The following BCL2 variants were observed in gnomAD, a reference collection of about 807,000 sequenced individuals.
BCL2 encodes the protein BCL2 apoptosis regulator.
BCL2 carries 1 observed loss-of-function variant against 14.2 expected under a neutral mutation model. The ratio of observed to expected loss-of-function variants is 0.07; its 90% confidence interval spans 0.02 to 0.33. The LOEUF is 0.33. BCL2 is among the 10% of genes least tolerant of loss of function. The pLI, the probability that BCL2 is intolerant of heterozygous loss-of-function variation, is 0.99. For synonymous variants in BCL2, 151 were observed against 137.2 expected, an observed-to-expected ratio of 1.10 and a Z score of -0.70; for missense variants, 247 against 305.9, an observed-to-expected ratio of 0.81 and a Z score of 1.44.
At chr18:63,168,556 C>G (rs1915101078) in intron 2 of BCL2, among the ~76,000 whole-genome samples, 1 of 152,152 alleles carries the variant, frequency 6.6e-6, no homozygotes, top group South Asian at 2.1e-4. Context: ...CATGGAGAGT[C>G]ACAGGAGGCT....
intron 2 of BCL2, among the ~76,000 whole-genome samples, chr18:63,220,488 G>A (rs1364484328): frequency 6.6e-6 from 1 of 152,144 alleles, no homozygotes; most frequent in Non-Finnish European, 1.5e-5. Context: ...GCAGAATCCA[G>A]GCTTCCTGAC....
rs780606244 is a variant in BCL2 at position 63,318,468 on chromosome 18, C to T, written c.199G>A (p.Ala67Thr). 3 of 1,474,776 alleles carry T rather than the reference C, an allele frequency of 2.0e-6. No individual in the cohort carries two copies. The South Asian group carries it at 4.2e-5, about 21-fold the overall frequency. 91.4% of individuals were successfully genotyped at this position (1,474,776 alleles called of 1,614,324 possible). A position where few individuals can be genotyped will look rare whatever the true frequency, so the allele number is the denominator to read the frequency against. Residue 67 changes from alanine to threonine, a missense_variant, in exon 2 of 3, where the codon GCC becomes ACC. Physicochemically the swap from Ala to Thr is moderately conservative, Grantham distance 58. Around this residue, in one of 3 missense-constraint regions of BCL2, gnomAD observed 144 missense variants for 135.3 expected, o/e 1.06. Transcript: ENST00000333681. The surrounding 1 kb of genome is among the most constrained non-coding windows in gnomAD (Gnocchi z 7.4). Reference protein sequence around the residue: ...PHPAASRDPVARTSPLQTPAA... With the variant: ...PHPAASRDPVTRTSPLQTPAA... ...GGGGTCTGCAGCGGCGAGGTCCTGG[C>T]GACCGGGTCCCGGGATGCGGCTGGA...
chr18:63,294,739 C>A (rs1260558003), intron 2 of BCL2, among the ~76,000 whole-genome samples: 1 of 152,048 alleles, frequency 6.6e-6, no homozygotes, highest in Non-Finnish European at 1.5e-5. Flanking sequence ...CTTTTTAATT[C>A]ATAGAAGGTA....
At chr18:63,155,677 A>G (rs1291043768) in intron 2 of BCL2, among the ~76,000 whole-genome samples, 1 of 152,068 alleles carries the variant, frequency 6.6e-6, no homozygotes, top group Non-Finnish European at 1.5e-5. Flanking sequence ...GGCTGGGAGG[A>G]ACCGGCAATG....
chr18:63,225,147 G>T (rs1857429331), intron 2 of BCL2, among the ~76,000 whole-genome samples: 1 of 152,048 alleles, frequency 6.6e-6, no homozygotes, highest in South Asian at 2.1e-4. Context: ...CAGGTACAAA[G>T]ATCAATTAAG....
intron 2 of BCL2, among the ~76,000 whole-genome samples, chr18:63,187,253 T>G (rs1000610598): frequency 6.6e-5 from 10 of 152,136 alleles, no homozygotes; most frequent in African/African-American, 2.2e-4. Flanking sequence ...ACAGAGCCAT[T>G]TATTTTAGGA....
chr18:63,193,578 A>ATGTGTG (rs199892771), intron 2 of BCL2, among the ~76,000 whole-genome samples: 2 of 132,948 alleles, frequency 1.5e-5, no homozygotes, highest in African/African-American at 5.9e-5. Flanking sequence ...GCGGAGTAGT[A>ATGTGTG]TGTATGTGTG....
At chr18:63,210,742 C>T (rs1480528430) in intron 2 of BCL2, among the ~76,000 whole-genome samples, 1 of 152,066 alleles carries the variant, frequency 6.6e-6, no homozygotes, top group Non-Finnish European at 1.5e-5. Flanking sequence ...TTTTCCACTG[C>T]CATTCATAGG....
At chr18:63,169,422 T>TTG (rs1915170407) in intron 2 of BCL2, among the ~76,000 whole-genome samples, 1 of 139,626 alleles carries the variant, frequency 7.2e-6, no homozygotes, top group African/African-American at 2.9e-5. Flanking sequence ...TCTCTCTCTC[T>TTG]CTCTCTTTCT....
intron 2 of BCL2, among the ~76,000 whole-genome samples, chr18:63,310,900 T>C (rs2144305325): frequency 6.6e-6 from 1 of 152,332 alleles, no homozygotes; most frequent in Non-Finnish European, 1.5e-5. Context: ...CCTCAAAACC[T>C]CTCTGTGTGT....
chr18:63,175,749 C>G (rs564760220), intron 2 of BCL2, among the ~76,000 whole-genome samples: 3 of 152,186 alleles, frequency 2.0e-5, no homozygotes, highest in African/African-American at 7.2e-5. Flanking sequence ...TGGAGCTCCA[C>G]GCCACATCAG....
At chr18:63,256,943 A>G (rs1911494584) in intron 2 of BCL2, among the ~76,000 whole-genome samples, 5 of 152,266 alleles carry the variant, frequency 3.3e-5, no homozygotes, top group Admixed American at 3.3e-4. Context: ...GTCTATGCCA[A>G]ATGGGAAAAA....
chr18:63,173,833 G>C (rs1172756847), intron 2 of BCL2, among the ~76,000 whole-genome samples: 1 of 152,106 alleles, frequency 6.6e-6, no homozygotes, highest in African/African-American at 2.4e-5. Flanking sequence ...AAAATCTTAG[G>C]GGGATGAAAA....
At chr18:63,226,148 C>T (rs1000884328) in intron 2 of BCL2, among the ~76,000 whole-genome samples, 4 of 152,132 alleles carry the variant, frequency 2.6e-5, no homozygotes, top group Non-Finnish European at 5.9e-5. Context: ...GAAGCTACAC[C>T]GTCAAACTGT....
chr18:63,166,457 G>C lies in BCL2; in HGVS notation c.586-37698C>G, dbSNP rs76109840. 4.0e-3 allele frequency among the ~76,000 whole-genome samples: 602 copies of C among 152,344 alleles called. 16 individuals carry two copies. The East Asian group carries it at 0.043, about 11-fold the overall frequency. ...ACCTGCAGAAGCCACACTGTCACTG[G>C]CTGGGAGGACACCCTGCAGTTGACT... On this transcript the variant is annotated intron_variant, in intron 2 of 2. Transcript: ENST00000333681.
At chr18:63,168,426 C>T (rs1915097217) in intron 2 of BCL2, among the ~76,000 whole-genome samples, 1 of 152,202 alleles carries the variant, frequency 6.6e-6, no homozygotes, top group Non-Finnish European at 1.5e-5. Context: ...CCTGTCAACA[C>T]TGGAACTGAT....
chr18:63,154,533 A>T (rs1355173194), intron 2 of BCL2, among the ~76,000 whole-genome samples: 4 of 152,058 alleles, frequency 2.6e-5, no homozygotes, highest in Non-Finnish European at 5.9e-5. Context: ...ACTCCATGTG[A>T]TTACTGGCAG....
At chr18:63,132,028 G>C (rs117221518) in intron 2 of BCL2, among the ~76,000 whole-genome samples, 1 of 152,164 alleles carries the variant, frequency 6.6e-6, no homozygotes, top group Non-Finnish European at 1.5e-5. Flanking sequence ...TATGCATTAC[G>C]TAGAACAATG....
chr18:63,242,986 G>A (rs1001794653), intron 2 of BCL2, among the ~76,000 whole-genome samples: 1 of 152,136 alleles, frequency 6.6e-6, no homozygotes, highest in Non-Finnish European at 1.5e-5. Context: ...AGTTACGGTC[G>A]TCTTCAAGTA....
Sources: gnomAD v4.1 joint callset for allele counts (sites outside exome capture counted in the v4.1 genomes callset) on GRCh38, gnomAD v4.1.1 for gene constraint, gnomAD v4.1.1 regional missense constraint, Gnocchi (gnomAD v3.1) non-coding constraint, MANE v1.5 for transcripts, NCBI Gene and HGNC (gene_info 2026-07-23, HGNC 2026-07-21) for gene names.